CD302: variants seen among roughly 807,000 people sequenced by gnomAD.
CD302 encodes the protein CD302 molecule.
Under a neutral mutation model 26.5 loss-of-function variants are expected in CD302, and 23 were observed. The ratio of observed to expected loss-of-function variants is 0.87; its 90% confidence interval spans 0.62 to 1.23. The LOEUF is 1.23. Ranked by LOEUF, CD302 falls within the 50% of genes most tolerant of loss-of-function variation. The probability of loss-of-function intolerance (pLI) is 0.00; values close to 1 mark genes in which losing one functional copy is unlikely to be tolerated. For synonymous variants in CD302, 90 were observed against 99.4 expected (o/e 0.91, Z 0.56); for missense variants, 290 against 275.5 (o/e 1.05, Z -0.37).
At position 159,771,617 on chromosome 2, in the gene CD302, C is replaced by T. The variant is rs1708148499; in HGVS notation, c.*234G>A. The T allele has an allele frequency of 2.4e-6, 1 of 409,312 alleles. No homozygotes were observed. The highest frequency in any genetic ancestry group is 4.5e-5 in the East Asian group (1 of 21,994). 25.4% of individuals were successfully genotyped at this position (409,312 alleles called of 1,614,324 possible). ...CTTTCCTTCATTCAAGTGACAGATT[C>T]TGCCTTTGACGGGATGCTTAAAATC... On this transcript the variant is annotated 3_prime_UTR_variant, in exon 6 of 6. Transcript: ENST00000259053.
chr2:159,780,057 T>C lies in CD302; in HGVS notation c.417A>G (p.Lys139=). The change falls in exon 4 of 6, where the codon AAA becomes AAG. Residue 139 remains lysine (K), a synonymous_variant. Transcript: ENST00000259053. ...AFLHIKTGEW[K]KGNCEVSSVE... is the part of the protein sequence containing the mutation. ...CAGAAGAAACTTCACAATTTCCTTTTTTCCATTCACCTGTCTTGATGTGCA... is the reference window on the plus strand; with the variant it reads ...CAGAAGAAACTTCACAATTTCCTTTCTTCCATTCACCTGTCTTGATGTGCA... The C allele has an allele frequency of 6.2e-7, 1 of 1,614,174 alleles. No individual in the cohort carries two copies. Among genetic ancestry groups the C allele is most frequent in the Non-Finnish European group, 8.5e-7 (1 of 1,180,008 alleles).
rs1708114691 is a variant in CD302, at chr2:159,770,625, AC to A, written c.*1225del. 3 of 152,202 alleles carry A rather than the reference AC, an allele frequency of 2.0e-5. No homozygotes were observed. The highest frequency in any genetic ancestry group is 2.0e-4 in the Admixed American group (3 of 15,280). 9.4% of individuals were successfully genotyped at this position (152,202 alleles called of 1,614,324 possible). A position where few individuals can be genotyped will look rare whatever the true frequency, so the allele number is the denominator to read the frequency against. Reference sequence around the variant, plus strand: ...GACAGTATACTTCAGTCAGTAATGGACCACATATAGAACAGTGTTTCCTTAG... The same window carrying A: ...GACAGTATACTTCAGTCAGTAATGGACACATATAGAACAGTGTTTCCTTAG... On this transcript the variant is annotated 3_prime_UTR_variant, in exon 6 of 6. Coordinates refer to ENST00000259053, the MANE Select transcript of CD302 (RefSeq NM_014880.5).
Position 159,780,242 on chromosome 2 carries a change from T to G in CD302, c.296-64A>C, listed in dbSNP as rs999234468. The G allele has an allele frequency of 6.4e-6, 10 of 1,566,008 alleles. No homozygotes were observed. The Admixed American group carries it at 1.1e-4, about 17-fold the overall frequency. On this transcript the variant is annotated intron_variant, in intron 3 of 5. Coordinates refer to ENST00000259053, the MANE Select transcript of CD302 (RefSeq NM_014880.5). ...TAAAAGGAGTTCAAGCCAAAAAGGG[T>G]GTAGGATTAAAGGTGGAAAGTTACT...
chr2:159,776,769 A>C (rs1334247451), intron 5 of CD302, among the ~76,000 whole-genome samples: 1 of 133,572 alleles, frequency 7.5e-6, no homozygotes, highest in Non-Finnish European at 1.5e-5. Flanking sequence ...CAGTGGCGTG[A>C]TCTCGGCTCA....
At chr2:159,783,830 T>A (rs981188482) in intron 1 of CD302, among the ~76,000 whole-genome samples, 2 of 152,226 alleles carry the variant, frequency 1.3e-5, no homozygotes, top group African/African-American at 4.8e-5. Flanking sequence ...CTTTGCAGTA[T>A]TTAACAATTT....
intron 1 of CD302, 37 bp from the exon 2 acceptor site, chr2:159,783,506 G>T: frequency 6.7e-7 from 1 of 1,497,480 alleles, no homozygotes; most frequent in South Asian, 1.3e-5. Context: ...TAAATAACTT[G>T]AGAAAAAGAA....
chr2:159,780,034 G>A lies in CD302; in HGVS notation c.440C>T (p.Ser147Phe), dbSNP rs981055171. 3 of 1,614,106 alleles carry A rather than the reference G, an allele frequency of 1.9e-6. No individual in the cohort carries two copies. The South Asian group carries it at 3.3e-5, about 18-fold the overall frequency. The change falls in exon 4 of 6, where the codon TCT becomes TTT. Residue 147 changes from serine to phenylalanine, a missense_variant. By Grantham distance (155) the Ser-to-Phe change is radical (BLOSUM62 -2). Coordinates refer to ENST00000259053, the MANE Select transcript of CD302 (RefSeq NM_014880.5). ...TGTTTTGCATAGTGTTCCTTCCACA[G>A]AAGAAACTTCACAATTTCCTTTTTT... ...EWKKGNCEVS[S>F]VEGTLCKTAI... is the part of the protein sequence containing the mutation.
intron 5 of CD302, among the ~76,000 whole-genome samples, chr2:159,776,267 T>C (rs1042726698): frequency 6.6e-6 from 1 of 151,498 alleles, no homozygotes; most frequent in African/African-American, 2.5e-5. Context: ...ATGTGCAGAT[T>C]ACATTTTGTT....
chr2:159,779,951 G>A, intron 4 of CD302, 54 bp downstream of exon 4: 1 of 1,559,994 alleles, frequency 6.4e-7, no homozygotes, highest in Non-Finnish European at 8.7e-7. Flanking sequence ...TTTAAAACCA[G>A]TCCTACTTTC....
intron 1 of CD302, among the ~76,000 whole-genome samples, chr2:159,793,067 A>G (rs761873065): frequency 1.1e-4 from 16 of 152,208 alleles, no homozygotes; most frequent in Admixed American, 3.9e-4. Context: ...TTCAACGCTA[A>G]GTATCTTTGC....
In CD302 at chr2:159,768,877, T is replaced by G. The variant is rs1708038336; in HGVS notation, c.*2974A>C. ...TCTGCTTAACCCATAAAACTTTATT[T>G]AAAAAATTTAACTAGATGGTACAAA... is the stretch of plus-strand genomic sequence containing the variant. On this transcript the variant is annotated 3_prime_UTR_variant, in exon 6 of 6. Transcript: ENST00000259053. 6.6e-6 allele frequency: 1 copy of G among 152,178 alleles called. No homozygotes were observed. Among genetic ancestry groups the G allele is most frequent in the Non-Finnish European group, 1.5e-5 (1 of 68,016 alleles). 9.4% of individuals were successfully genotyped at this position (152,178 alleles called of 1,614,324 possible).
At position 159,771,809 on chromosome 2, in the gene CD302, C is replaced by T. The variant is rs1177562691; in HGVS notation, c.*42G>A. 6.2e-7 allele frequency: 1 copy of T among 1,600,572 alleles called. No homozygotes were observed. Among genetic ancestry groups the T allele is most frequent in the African/African-American group, 1.3e-5 (1 of 74,586 alleles). On this transcript the variant is annotated 3_prime_UTR_variant, in exon 6 of 6. Coordinates refer to ENST00000259053, the MANE Select transcript of CD302 (RefSeq NM_014880.5). ...AAAATCTTTCCCAAGTTATCTCTGC[C>T]AGGGCATTTTGTTGATGTCTTAGTG...
At chr2:159,775,192 T>G (rs1708274255) in intron 5 of CD302, among the ~76,000 whole-genome samples, 1 of 152,258 alleles carries the variant, frequency 6.6e-6, no homozygotes, top group Non-Finnish European at 1.5e-5. Flanking sequence ...GCTTTTGTTT[T>G]GTTCATTGCT....
intron 1 of CD302, among the ~76,000 whole-genome samples, chr2:159,789,170 AT>A (rs55884912): frequency 0.93 from 139,823 of 150,200 alleles, 65,138 homozygotes; most frequent in African/African-American, 0.97. Context: ...AATTTGTTTG[AT>A]TTTTTTTTTT....
At position 159,771,812 on chromosome 2, in the gene CD302, G is replaced by GGCATTTTGTTGATGTCTTAGT; in HGVS notation, c.*18_*38dup. ...ATCTTTCCCAAGTTATCTCTGCCAG[G>GGCATTTTGTTGATGTCTTAGT]GCATTTTGTTGATGTCTTAGTGCAA... On this transcript the variant is annotated 3_prime_UTR_variant, in exon 6 of 6. Coordinates refer to ENST00000259053, the MANE Select transcript of CD302 (RefSeq NM_014880.5). 1 of 1,600,990 alleles carries GGCATTTTGTTGATGTCTTAGT rather than the reference G, an allele frequency of 6.2e-7. No individual in the cohort carries two copies. Among genetic ancestry groups the GGCATTTTGTTGATGTCTTAGT allele is most frequent in the East Asian group, 2.2e-5 (1 of 44,694 alleles).
At position 159,769,754 on chromosome 2, in the gene CD302, C is replaced by T. The variant is rs1000352494; in HGVS notation, c.*2097G>A. On this transcript the variant is annotated 3_prime_UTR_variant, in exon 6 of 6. Coordinates refer to ENST00000259053, the MANE Select transcript of CD302 (RefSeq NM_014880.5). ...TAAAGCAGCTATTTTGGAAGAGCTG[C>T]CATTAGGTAGAAAGTATCAAAATGT... 6.6e-6 allele frequency: 1 copy of T among 151,996 alleles called. No homozygotes were observed. The highest frequency in any genetic ancestry group is 1.5e-5 in the Non-Finnish European group (1 of 67,990). The allele number at this position is 151,996 out of a possible 1,614,324, so 9.4% of individuals were successfully genotyped here.
rs1708049555 is a variant in CD302 at position 159,769,061 on chromosome 2, G to A, written c.*2790C>T. On this transcript the variant is annotated 3_prime_UTR_variant, in exon 6 of 6. Transcript: ENST00000259053. ...AGCTTCAGATTATCATGTAAATGAC[G>A]GTAGAGGAATAAGAGAAAAGGCTTT... 6.6e-6 allele frequency: 1 copy of A among 152,064 alleles called. No individual in the cohort carries two copies. Among genetic ancestry groups the A allele is most frequent in the African/African-American group, 2.4e-5 (1 of 41,418 alleles). 9.4% of individuals were successfully genotyped at this position (152,064 alleles called of 1,614,324 possible). A position where few individuals can be genotyped will look rare whatever the true frequency, so the allele number is the denominator to read the frequency against.
At chr2:159,791,459 A>G (rs1560050910) in intron 1 of CD302, among the ~76,000 whole-genome samples, 1 of 152,218 alleles carries the variant, frequency 6.6e-6, no homozygotes, top group Non-Finnish European at 1.5e-5. Flanking sequence ...GGAAAAGGAA[A>G]TGTGTTACCC....
At position 159,770,265 on chromosome 2, in the gene CD302, C is replaced by CA. The variant is rs1708095252; in HGVS notation, c.*1585dup. Reference sequence around the variant, plus strand: ...TAAAATAGACATCTCAATCACTATACAAAATCTCAGAAATGTAAAGCTCTT... The same window carrying CA: ...TAAAATAGACATCTCAATCACTATACAAAAATCTCAGAAATGTAAAGCTCTT... On this transcript the variant is annotated 3_prime_UTR_variant, in exon 6 of 6. Transcript: ENST00000259053. The CA allele has an allele frequency of 2.6e-5, 4 of 152,118 alleles. No individual in the cohort carries two copies. The South Asian group carries it at 8.3e-4, about 32-fold the overall frequency. 9.4% of individuals were successfully genotyped at this position (152,118 alleles called of 1,614,324 possible).
Sources: allele counts gnomAD v4.1 joint callset (sites outside exome capture counted in the v4.1 genomes callset), GRCh38; gene constraint gnomAD v4.1.1; transcripts MANE v1.5; gene names NCBI Gene and HGNC (gene_info 2026-07-23, HGNC 2026-07-21).